ANKIB1: variants seen among roughly 807,000 people sequenced by gnomAD.
The protein encoded by ANKIB1 is ankyrin repeat and IBR domain containing 1.
In ANKIB1, 43 loss-of-function variants were observed where a neutral mutation model predicts 122.1. The observed-to-expected ratio is 0.35, with a 90% CI of 0.28 to 0.45. The LOEUF is 0.45. ANKIB1 is among the 20% of genes least tolerant of loss of function. The pLI is 1.00. For missense variants in ANKIB1, 992 were observed against 1,329.5 expected, an observed-to-expected ratio of 0.75 and a Z score of 3.95; for synonymous variants, 390 against 442.0, an observed-to-expected ratio of 0.88 and a Z score of 1.48.
intron 2 of ANKIB1, among the ~76,000 whole-genome samples, chr7:92,302,557 C>T (rs981143057): frequency 2.6e-5 from 4 of 152,150 alleles, no homozygotes; most frequent in Admixed American, 6.6e-5. Context: ...ATAAAAAAGC[C>T]GTGGACTTGG....
At chr7:92,328,101 T>C (rs890663185) in intron 5 of ANKIB1, among the ~76,000 whole-genome samples, 7 of 152,212 alleles carry the variant, frequency 4.6e-5, no homozygotes. Flanking sequence ...GGCATATATC[T>C]AAGAGGAGAC....
intron 1 of ANKIB1, among the ~76,000 whole-genome samples, 185 bp downstream of exon 1, chr7:92,246,704 G>A (rs1047776527): frequency 6.6e-6 from 1 of 152,294 alleles, no homozygotes; most frequent in East Asian, 1.9e-4. Flanking sequence ...GCCCTACAGG[G>A]CTTTTCTCCC....
chr7:92,278,107 C>T (rs1044475062), intron 1 of ANKIB1, among the ~76,000 whole-genome samples: 14 of 151,500 alleles, frequency 9.2e-5, no homozygotes, highest in Non-Finnish European at 1.9e-4. Flanking sequence ...AAAAGTTACC[C>T]AGGCATGATG....
chr7:92,250,252 G>A (rs570242480), intron 1 of ANKIB1, among the ~76,000 whole-genome samples: 2 of 152,220 alleles, frequency 1.3e-5, no homozygotes, highest in African/African-American at 4.8e-5. Context: ...AATTAGCCGA[G>A]CGTGGTGGCA....
At chr7:92,341,382 G>A (rs1324727262) in intron 5 of ANKIB1, among the ~76,000 whole-genome samples, 1 of 151,498 alleles carries the variant, frequency 6.6e-6, no homozygotes, top group Non-Finnish European at 1.5e-5. Flanking sequence ...AAAACACAAT[G>A]GGCCTTAGAC....
intron 3 of ANKIB1, among the ~76,000 whole-genome samples, chr7:92,307,948 G>A (rs1802601135): frequency 6.6e-6 from 1 of 150,794 alleles, no homozygotes; most frequent in Admixed American, 6.6e-5. Context: ...CCAGTAGCTG[G>A]GACTACAGGC....
Position 92,287,773 on chromosome 7 carries a change from T to C in ANKIB1, c.-90-7116T>C, listed in dbSNP as rs536992004. ...AAAAAAGGCCAGGCGTGGTGGCTCATGCCTGTAATCCCAGCACTTTGGGAG... is the reference window on the plus strand; with the variant it reads ...AAAAAAGGCCAGGCGTGGTGGCTCACGCCTGTAATCCCAGCACTTTGGGAG... On this transcript the variant is annotated intron_variant, in intron 1 of 19. Coordinates refer to ENST00000265742, the MANE Select transcript of ANKIB1 (RefSeq NM_019004.2). Among the ~76,000 whole-genome samples the C allele has an allele frequency of 2.6e-5, 4 of 152,076 alleles. No homozygotes were observed. In the South Asian group the frequency reaches 8.3e-4, roughly 32 times the overall value.
At chr7:92,370,193 G>A (rs1585129934) in intron 10 of ANKIB1, among the ~76,000 whole-genome samples, 1 of 151,984 alleles carries the variant, frequency 6.6e-6, no homozygotes, top group Admixed American at 6.6e-5. Context: ...TGGCTGGCAG[G>A]GGATGGGAGG....
At chr7:92,333,878 A>C (rs1458594642) in intron 5 of ANKIB1, among the ~76,000 whole-genome samples, 1 of 152,140 alleles carries the variant, frequency 6.6e-6, no homozygotes, top group African/African-American at 2.4e-5. Flanking sequence ...GCATAATGGA[A>C]ATTTTTGAAA....
chr7:92,266,694 TG>T (rs986251143), intron 1 of ANKIB1, among the ~76,000 whole-genome samples: 11 of 152,158 alleles, frequency 7.2e-5, no homozygotes, highest in Non-Finnish European at 1.5e-4. Context: ...TAGACCTCTC[TG>T]GGAGTCCACT....
At chr7:92,389,154 C>T (rs1213801723) in intron 14 of ANKIB1, among the ~76,000 whole-genome samples, 2 of 152,108 alleles carry the variant, frequency 1.3e-5, no homozygotes, top group Non-Finnish European at 2.9e-5. Context: ...CAAAAAGATA[C>T]AGCAATTGCA....
chr7:92,349,109 T>G (rs1158010604), intron 7 of ANKIB1, among the ~76,000 whole-genome samples: 1 of 152,150 alleles, frequency 6.6e-6, no homozygotes, highest in Non-Finnish European at 1.5e-5. Flanking sequence ...CTTGAGCATG[T>G]TTATTGTGCC....
chr7:92,389,876 T>C, intron 14 of ANKIB1, 95 bp from the exon 15 acceptor site: 1 of 1,335,316 alleles, frequency 7.5e-7, no homozygotes, highest in East Asian at 2.6e-5. Context: ...ATGATCCTTC[T>C]TTTTCCTTTT....
At chr7:92,308,161 C>T (rs866132757) in intron 3 of ANKIB1, among the ~76,000 whole-genome samples, 14 of 152,078 alleles carry the variant, frequency 9.2e-5, no homozygotes, top group East Asian at 1.9e-4. Flanking sequence ...GGAGTCACTG[C>T]GCCCAACCAA....
At chr7:92,346,772 GA>G (rs1474698251) in intron 7 of ANKIB1, among the ~76,000 whole-genome samples, 3 of 152,136 alleles carry the variant, frequency 2.0e-5, no homozygotes, top group Non-Finnish European at 2.9e-5. Flanking sequence ...TCCCCCAGGG[GA>G]TTTTCTTGAA....
intron 1 of ANKIB1, among the ~76,000 whole-genome samples, chr7:92,247,931 T>A (rs1004673498): frequency 3.3e-5 from 5 of 152,192 alleles, no homozygotes; most frequent in African/African-American, 4.8e-5. Context: ...TATTATCTGA[T>A]TTGTAACTTC....
chr7:92,291,829 G>T (rs1444383855), intron 1 of ANKIB1, among the ~76,000 whole-genome samples: 1 of 151,934 alleles, frequency 6.6e-6, no homozygotes, highest in African/African-American at 2.4e-5. Flanking sequence ...CCTGCCTCAG[G>T]CTCCCAAAGT....
chr7:92,369,937 C>T (rs565949060), intron 10 of ANKIB1, among the ~76,000 whole-genome samples: 96 of 152,296 alleles, frequency 6.3e-4, no homozygotes, highest in Non-Finnish European at 1.1e-3. Flanking sequence ...AATTTAGAAT[C>T]TTTAAAAACC....
rs1314411344 is a variant in ANKIB1 at position 92,276,164 on chromosome 7, T to C, written c.-90-18725T>C. Among the ~76,000 whole-genome samples the C allele has an allele frequency of 2.6e-5, 4 of 152,276 alleles. No homozygotes were observed. In the East Asian group the frequency reaches 7.7e-4, roughly 29 times the overall value. On this transcript the variant is annotated intron_variant, in intron 1 of 19. Transcript: ENST00000265742. ...ATTAGGTAATACATAGAGGTGAATA[T>C]ATGTAAAATCAGGATTCTAGGCCCA...
Sources: gnomAD v4.1 joint callset for allele counts (sites outside exome capture counted in the v4.1 genomes callset) on GRCh38, gnomAD v4.1.1 for gene constraint, MANE v1.5 for transcripts, NCBI Gene and HGNC (gene_info 2026-07-23, HGNC 2026-07-21) for gene names.